Variants in CDH18 observed in about 807,000 individuals in gnomAD.
CDH18 encodes the protein cadherin-18.
A neutral mutation model predicts 67.9 loss-of-function variants in CDH18; 31 were observed. That is an observed-to-expected ratio of 0.46 (90% CI 0.34 to 0.62). The LOEUF (loss-of-function observed/expected upper bound fraction) is 0.62, where lower values mean the gene tolerates loss of function less well. CDH18 is among the 20% of genes least tolerant of loss of function. The pLI, the probability that CDH18 is intolerant of heterozygous loss-of-function variation, is 0.01. For missense variants in CDH18, 890 were observed against 975.5 expected, an observed-to-expected ratio of 0.91 and a Z score of 1.17; for synonymous variants, 362 against 347.2, an observed-to-expected ratio of 1.04 and a Z score of -0.48.
At chr5:19,685,376 T>C (rs192937110) in intron 5 of CDH18, among the ~76,000 whole-genome samples, 514 of 152,272 alleles carry the variant, frequency 3.4e-3, no homozygotes, top group South Asian at 6.0e-3. Context: ...CTACACAATC[T>C]GGGACACATT....
At chr5:19,543,527 T>C (rs1377620068) in intron 9 of CDH18, among the ~76,000 whole-genome samples, 1 of 152,140 alleles carries the variant, frequency 6.6e-6, no homozygotes, top group Non-Finnish European at 1.5e-5. Flanking sequence ...CTATCACACA[T>C]ATCAAGTCAT....
At chr5:20,539,036 C>T (rs1048419694) in intron 1 of CDH18, among the ~76,000 whole-genome samples, 1 of 151,136 alleles carries the variant, frequency 6.6e-6, no homozygotes, top group African/African-American at 2.4e-5. Context: ...TTACAGGCAC[C>T]TGCCACCACG....
intron 1 of CDH18, among the ~76,000 whole-genome samples, chr5:20,375,653 T>A (rs1327103145): frequency 2.0e-5 from 3 of 152,186 alleles, no homozygotes; most frequent in Non-Finnish European, 2.9e-5. Flanking sequence ...TCATTTTTTT[T>A]AGGGCAAATA....
intron 1 of CDH18, among the ~76,000 whole-genome samples, chr5:20,265,828 G>C (rs1402798420): frequency 6.6e-6 from 1 of 152,094 alleles, no homozygotes; most frequent in Non-Finnish European, 1.5e-5. Flanking sequence ...CTGAAAACTG[G>C]GAAAGCATTA....
intron 5 of CDH18, among the ~76,000 whole-genome samples, chr5:19,649,586 AACT>A (rs1755270267): frequency 1.3e-5 from 2 of 152,060 alleles, no homozygotes; most frequent in South Asian, 4.1e-4. Context: ...TTCCCTTCAC[AACT>A]ACTAATACCT....
At chr5:19,762,691 G>T (rs112098442) in intron 3 of CDH18, among the ~76,000 whole-genome samples, 3 of 152,138 alleles carry the variant, frequency 2.0e-5, no homozygotes, top group African/African-American at 7.2e-5. Context: ...ACATTGTGGC[G>T]ATTCCTCAAG....
In CDH18 at chr5:19,626,693, A is replaced by C. The variant is rs1210485727; in HGVS notation, c.644-14092T>G. 3.4e-5 allele frequency among the ~76,000 whole-genome samples: 5 copies of C among 148,662 alleles called. No homozygotes were observed. The South Asian group carries it at 6.3e-4, about 19-fold the overall frequency. On this transcript the variant is annotated intron_variant, in intron 5 of 12. Coordinates refer to ENST00000382275, the MANE Select transcript of CDH18 (RefSeq NM_004934.5). ...ACTGACATTCTAGGAAAGGCAGATT[A>C]GTGAAAAAAAAAAAGATAATTAAAT...
At chr5:19,580,745 T>G (rs1743111749) in intron 7 of CDH18, among the ~76,000 whole-genome samples, 3 of 151,880 alleles carry the variant, frequency 2.0e-5, no homozygotes, top group South Asian at 4.1e-4. Context: ...TGGACAACAG[T>G]CTGTAAGTGA....
At chr5:20,405,460 G>A (rs939590345) in intron 1 of CDH18, among the ~76,000 whole-genome samples, 4 of 152,120 alleles carry the variant, frequency 2.6e-5, no homozygotes, top group Non-Finnish European at 4.4e-5. Context: ...AAACTTAAAT[G>A]TTAGACCTAA....
intron 1 of CDH18, among the ~76,000 whole-genome samples, chr5:20,463,159 C>G (rs1751389761): frequency 6.6e-6 from 1 of 151,032 alleles, no homozygotes; most frequent in African/African-American, 2.4e-5. Context: ...GGGTACTGTT[C>G]ATTCAGAATT....
intron 2 of CDH18, among the ~76,000 whole-genome samples, chr5:20,241,167 G>A (rs190243551): frequency 7.9e-5 from 12 of 152,222 alleles, no homozygotes; most frequent in African/African-American, 2.9e-4. Context: ...TCCTTAATAT[G>A]TGTCAAGTAT....
chr5:20,397,920 T>A (rs1311725031), intron 1 of CDH18, among the ~76,000 whole-genome samples: 2 of 152,224 alleles, frequency 1.3e-5, no homozygotes, highest in Non-Finnish European at 2.9e-5. Flanking sequence ...ATTACAGTTG[T>A]GTTTAACAGA....
At chr5:19,837,535 G>A (rs1781805363) in intron 3 of CDH18, among the ~76,000 whole-genome samples, 1 of 151,966 alleles carries the variant, frequency 6.6e-6, no homozygotes, top group Non-Finnish European at 1.5e-5. Flanking sequence ...AGGGAAAAAA[G>A]CATACAATGA....
chr5:20,127,516 A>T (rs188953405), intron 2 of CDH18, among the ~76,000 whole-genome samples: 22 of 151,984 alleles, frequency 1.4e-4, no homozygotes, highest in African/African-American at 2.2e-4. Flanking sequence ...TCTTAAAATT[A>T]AAAAAAAGGA....
chr5:19,963,070 A>G (rs937257691), intron 2 of CDH18, among the ~76,000 whole-genome samples: 1 of 151,824 alleles, frequency 6.6e-6, no homozygotes, highest in African/African-American at 2.4e-5. Flanking sequence ...TCTGACAAGA[A>G]AAACAAAAAC....
At chr5:19,706,635 T>C (rs1386614027) in intron 5 of CDH18, among the ~76,000 whole-genome samples, 1 of 152,228 alleles carries the variant, frequency 6.6e-6, no homozygotes, top group Non-Finnish European at 1.5e-5. Context: ...CTGTGTTAAA[T>C]GTCACCTTTT....
At chr5:20,092,446 T>A (rs900625650) in intron 2 of CDH18, among the ~76,000 whole-genome samples, 2 of 152,078 alleles carry the variant, frequency 1.3e-5, no homozygotes, top group Non-Finnish European at 2.9e-5. Flanking sequence ...CAAAACAACC[T>A]AAAGAGAAAA....
chr5:20,446,636 G>T (rs775045264), intron 1 of CDH18, among the ~76,000 whole-genome samples: 1 of 152,122 alleles, frequency 6.6e-6, no homozygotes, highest in Non-Finnish European at 1.5e-5. Flanking sequence ...GCAGACTCCC[G>T]TTATCTAGAA....
chr5:19,481,322 T>A (rs1420832760), intron 12 of CDH18, among the ~76,000 whole-genome samples: 1 of 152,172 alleles, frequency 6.6e-6, no homozygotes, highest in South Asian at 2.1e-4. Context: ...TAAGAAGTTA[T>A]ATTTGAGGCC....
Sources: allele counts gnomAD v4.1 joint callset (sites outside exome capture counted in the v4.1 genomes callset), GRCh38; gene constraint gnomAD v4.1.1; transcripts MANE v1.5; gene names NCBI Gene and HGNC (gene_info 2026-07-23, HGNC 2026-07-21).